Variants in CCDC171 observed in about 807,000 individuals in gnomAD.
CCDC171 encodes the protein coiled-coil domain containing 171.
In CCDC171, 177 loss-of-function variants were observed where a neutral mutation model predicts 168.2. That is an observed-to-expected ratio of 1.05 (90% confidence interval 0.93 to 1.19). The LOEUF (loss-of-function observed/expected upper bound fraction) is 1.19, where lower values mean the gene tolerates loss of function less well. Among genes scored for constraint, CCDC171 ranks in the 50% most tolerant of loss-of-function variants. The pLI, the probability that CCDC171 is intolerant of heterozygous loss-of-function variation, is 0.00. For missense variants in CCDC171, 1,991 were observed against 1,539.0 expected, an observed-to-expected ratio of 1.29 and a Z score of -4.91; for synonymous variants, 687 against 540.8, an observed-to-expected ratio of 1.27 and a Z score of -3.75.
chr9:16,105,749 A>G, the CCDC171 span, among the ~76,000 whole-genome samples: 1 of 152,228 alleles, frequency 6.6e-6, no homozygotes, highest in African/African-American at 2.4e-5. Context: ...TTTAAATGCT[A>G]CATTGGCCAG....
chr9:15,793,553 T>TTTTTTTTTTTG (rs2058386134), intron 21 of CCDC171, among the ~76,000 whole-genome samples: 1 of 40,130 alleles, frequency 2.5e-5, no homozygotes, highest in African/African-American at 5.9e-5. Context: ...ATTCCAAGGT[T>TTTTTTTTTTTG]TTTTTTTTTT....
intron 18 of CCDC171, among the ~76,000 whole-genome samples, chr9:15,761,278 G>A (rs1039525501): frequency 3.3e-5 from 5 of 152,090 alleles, no homozygotes; most frequent in East Asian, 3.9e-4. Flanking sequence ...AGGTCATAGC[G>A]ACCCTTTCAA....
chr9:15,930,971 C>CA (rs1470062018), intron 25 of CCDC171, among the ~76,000 whole-genome samples: 5 of 151,664 alleles, frequency 3.3e-5, no homozygotes, highest in African/African-American at 1.2e-4. Flanking sequence ...TGAGAACATT[C>CA]AAAGCCTCTC....
chr9:15,563,139 C>CTTT (rs570575976), intron 1 of CCDC171, among the ~76,000 whole-genome samples: 4 of 136,768 alleles, frequency 2.9e-5, no homozygotes, highest in Non-Finnish European at 6.4e-5. Context: ...CAAGTTACTT[C>CTTT]TTTTTTTTTT....
At chr9:16,004,060 T>G (rs533425542) in intron 3 of CCDC171, among the ~76,000 whole-genome samples, 1 of 152,184 alleles carries the variant, frequency 6.6e-6, no homozygotes, top group East Asian at 1.9e-4. Flanking sequence ...TCAACACTAA[T>G]GAGGGCTGCA....
chr9:15,820,273 T>G (rs376774549), intron 21 of CCDC171, among the ~76,000 whole-genome samples: 1,397 of 115,374 alleles, frequency 0.012, 381 homozygotes, highest in African/African-American at 0.043. Context: ...ACATCACAAT[T>G]AAAAGAACTA....
chr9:15,736,974 A>G (rs2054539141), intron 16 of CCDC171, among the ~76,000 whole-genome samples: 2 of 152,222 alleles, frequency 1.3e-5, no homozygotes, highest in South Asian at 4.1e-4. Context: ...TTTTTAAGTG[A>G]TTCTTGATTA....
intron 8 of CCDC171, 145 bp from the exon 9 acceptor site, chr9:15,666,018 A>T (rs1171012786): frequency 1.6e-6 from 1 of 639,634 alleles, no homozygotes; most frequent in Non-Finnish European, 2.6e-6. Context: ...ACTGTCTTTT[A>T]TTTATTTTTC....
intron 11 of CCDC171, among the ~76,000 whole-genome samples, chr9:15,706,106 T>G (rs1018669497): frequency 4.6e-5 from 7 of 152,174 alleles, no homozygotes; most frequent in African/African-American, 1.7e-4. Context: ...CTTTCTACTA[T>G]CAACTAAAAT....
chr9:16,016,575 C>T (rs528759015), intron 3 of CCDC171, among the ~76,000 whole-genome samples: 1 of 152,206 alleles, frequency 6.6e-6, no homozygotes, highest in East Asian at 1.9e-4. Flanking sequence ...GGTCGGTGAG[C>T]CACTTCTGCA....
chr9:15,771,472 T>A (rs1352567160), intron 18 of CCDC171, among the ~76,000 whole-genome samples: 1 of 152,200 alleles, frequency 6.6e-6, no homozygotes, highest in South Asian at 2.1e-4. Context: ...ATAAGCCCAT[T>A]CATATTCTAC....
rs147078175 is a variant in CCDC171, at chr9:15,724,961, C to T, written c.1677C>T (p.Phe559=). The part of the protein sequence containing the change: ...ESELQKLSQA[F]HKDAEEKLTF... ...AACTGCAGAAGCTTTCCCAGGCTTT[C>T]CATAAGGATGCAGAGGTATTACCTG... Residue 559 remains phenylalanine (F), a synonymous_variant, in exon 14 of 26, where the codon TTC becomes TTT. Coordinates refer to ENST00000380701, the MANE Select transcript of CCDC171 (RefSeq NM_173550.4). 6.2e-7 allele frequency: 1 copy of T among 1,613,656 alleles called. No individual in the cohort carries two copies. The highest frequency in any genetic ancestry group is 2.2e-5 in the East Asian group (1 of 44,856).
chr9:16,093,503 C>G, the CCDC171 span, among the ~76,000 whole-genome samples: 2 of 152,228 alleles, frequency 1.3e-5, no homozygotes, highest in Non-Finnish European at 2.9e-5. Context: ...TTGAAATATT[C>G]TAGTCTAGTC....
rs548837947 is a variant in CCDC171, at chr9:15,754,011, A to T, written c.2671+8380A>T. ...GTTTATATAATATTTTTCCAGGGTC[A>T]TGTGTTTTCATTTTAAGTTATATTT... is the stretch of plus-strand genomic sequence containing the variant. On this transcript the variant is annotated intron_variant, in intron 18 of 25. Coordinates refer to ENST00000380701, the MANE Select transcript of CCDC171 (RefSeq NM_173550.4). 1.6e-4 allele frequency among the ~76,000 whole-genome samples: 24 copies of T among 152,258 alleles called. No individual in the cohort carries two copies. The East Asian group carries it at 4.6e-3, about 29-fold the overall frequency.
At chr9:16,001,860 C>T (rs1472446759) in intron 3 of CCDC171, among the ~76,000 whole-genome samples, 1 of 134,448 alleles carries the variant, frequency 7.4e-6, no homozygotes, top group Non-Finnish European at 1.5e-5. Flanking sequence ...TTTTTTGAGA[C>T]AGTGTCTCGC....
At chr9:15,633,453 GC>G (rs1327503741) in intron 7 of CCDC171, among the ~76,000 whole-genome samples, 1 of 152,168 alleles carries the variant, frequency 6.6e-6, no homozygotes, top group East Asian at 1.9e-4. Context: ...TCAGAGAAAT[GC>G]AAATCAAAAT....
At chr9:15,807,308 A>C (rs570768519) in intron 21 of CCDC171, among the ~76,000 whole-genome samples, 4 of 152,344 alleles carry the variant, frequency 2.6e-5, no homozygotes, top group Admixed American at 2.0e-4. Context: ...TTGATTTCCC[A>C]GAGTTCTTGC....
intron 16 of CCDC171, among the ~76,000 whole-genome samples, chr9:15,731,358 C>T (rs1315563693): frequency 1.3e-5 from 2 of 152,092 alleles, no homozygotes; most frequent in Non-Finnish European, 2.9e-5. Context: ...GTTCTCTCTT[C>T]CAGTCAGTTT....
intron 3 of CCDC171, among the ~76,000 whole-genome samples, chr9:16,002,601 T>C (rs994014519): frequency 3.9e-5 from 6 of 152,200 alleles, no homozygotes; most frequent in Admixed American, 1.3e-4. Flanking sequence ...TAATTTATTA[T>C]TGAAGAAAGA....
Sources: allele counts gnomAD v4.1 joint callset (sites outside exome capture counted in the v4.1 genomes callset), GRCh38; gene constraint gnomAD v4.1.1; transcripts MANE v1.5; gene names NCBI Gene and HGNC (gene_info 2026-07-23, HGNC 2026-07-21).